Variants in PTPRG observed in about 807,000 individuals in gnomAD.
The protein encoded by PTPRG is receptor-type tyrosine-protein phosphatase gamma.
In PTPRG, 102 loss-of-function variants were observed where a neutral mutation model predicts 165.3. The observed-to-expected ratio is 0.62, with a 90% CI of 0.53 to 0.73. The LOEUF is 0.73. Among genes scored for constraint, PTPRG ranks in the 30% least tolerant of loss-of-function variants. PTPRG has a pLI of 0.00. For missense variants in PTPRG, 1,866 were observed against 1,861.4 expected (o/e 1.00, Z -0.05); for synonymous variants, 675 against 669.5 (o/e 1.01, Z -0.13).
chr3:61,607,471 C>CTG (rs5849436), intron 1 of PTPRG, among the ~76,000 whole-genome samples: 130,504 of 149,398 alleles, frequency 0.87, 56,384 homozygotes, highest in East Asian at 0.98. Context: ...CAGTCTGAGA[C>CTG]TGCTCAGCCA....
intron 1 of PTPRG, among the ~76,000 whole-genome samples, chr3:61,638,234 T>C (rs904294297): frequency 6.6e-6 from 1 of 152,150 alleles, no homozygotes; most frequent in Non-Finnish European, 1.5e-5. Context: ...TTTTAGTATT[T>C]AAGAGCACCC....
chr3:62,087,273 T>C (rs989581574), intron 5 of PTPRG, among the ~76,000 whole-genome samples: 11 of 152,220 alleles, frequency 7.2e-5, no homozygotes, highest in Non-Finnish European at 1.5e-4. Flanking sequence ...TGACTCTCAA[T>C]CCAGCGACTT....
At chr3:61,600,951 A>G (rs1006859161) in intron 1 of PTPRG, among the ~76,000 whole-genome samples, 3 of 152,236 alleles carry the variant, frequency 2.0e-5, no homozygotes, top group African/African-American at 7.2e-5. Flanking sequence ...TATAAAACAG[A>G]TTTTTAAAAA....
intron 2 of PTPRG, among the ~76,000 whole-genome samples, chr3:61,930,690 C>T (rs11706742): frequency 0.077 from 11,673 of 152,038 alleles, 904 homozygotes; most frequent in East Asian, 0.43. Flanking sequence ...TATGGGTGTT[C>T]CAAAATTACA....
At chr3:62,258,003 G>A (rs1305717270) in intron 16 of PTPRG, among the ~76,000 whole-genome samples, 1 of 152,012 alleles carries the variant, frequency 6.6e-6, no homozygotes, top group Non-Finnish European at 1.5e-5. Context: ...GTCCTGTAAT[G>A]AGCCAAGGTC....
intron 2 of PTPRG, among the ~76,000 whole-genome samples, chr3:61,884,315 A>G (rs949217541): frequency 6.6e-6 from 1 of 152,206 alleles, no homozygotes; most frequent in Non-Finnish European, 1.5e-5. Context: ...CACATGGTAT[A>G]CCAGCTCGGT....
At chr3:62,090,890 G>T (rs1178617637) in intron 5 of PTPRG, among the ~76,000 whole-genome samples, 1 of 152,094 alleles carries the variant, frequency 6.6e-6, no homozygotes, top group East Asian at 1.9e-4. Context: ...GCCACTTACT[G>T]GCTTGTTCCT....
intron 2 of PTPRG, among the ~76,000 whole-genome samples, chr3:61,863,246 T>G (rs1165097961): frequency 6.6e-6 from 1 of 152,198 alleles, no homozygotes; most frequent in African/African-American, 2.4e-5. Flanking sequence ...AAATCTCCTT[T>G]CTTCACTCCT....
At chr3:61,695,694 A>G (rs1265856714) in intron 1 of PTPRG, among the ~76,000 whole-genome samples, 1 of 152,186 alleles carries the variant, frequency 6.6e-6, no homozygotes, top group African/African-American at 2.4e-5. Context: ...ATTTCCGTTG[A>G]AGATATGATG....
chr3:61,630,691 G>C (rs1049249575), intron 1 of PTPRG, among the ~76,000 whole-genome samples: 7 of 152,120 alleles, frequency 4.6e-5, no homozygotes, highest in Non-Finnish European at 1.0e-4. Context: ...TTGACCACAA[G>C]GGTAGAAAGA....
At chr3:61,802,754 G>A (rs1257037285) in intron 2 of PTPRG, among the ~76,000 whole-genome samples, 1 of 152,102 alleles carries the variant, frequency 6.6e-6, no homozygotes, top group Non-Finnish European at 1.5e-5. Context: ...CTCTGCAGCA[G>A]GAGTGCTTGT....
intron 2 of PTPRG, among the ~76,000 whole-genome samples, chr3:61,872,424 TGGCTCTTA>T (rs1169434134): frequency 6.6e-6 from 1 of 152,244 alleles, no homozygotes; most frequent in Non-Finnish European, 1.5e-5. Context: ...TTCTAGTGTT[TGGCTCTTA>T]GGCTCAGTAA....
At chr3:61,902,929 C>T (rs1047473666) in intron 2 of PTPRG, among the ~76,000 whole-genome samples, 1 of 152,018 alleles carries the variant, frequency 6.6e-6, no homozygotes, top group African/African-American at 2.4e-5. Flanking sequence ...GGAGAGTCGC[C>T]CCTCAACTCA....
In PTPRG at chr3:61,959,483, G is replaced by C. The variant is rs529906616; in HGVS notation, c.191-30142G>C. ...GAATGCGCAGTTCACAATAGGGTTC[G>C]CTCTCCTATGAGAATGTAATGCTGC... On this transcript the variant is annotated intron_variant, in intron 2 of 29. Coordinates refer to ENST00000474889, the MANE Select transcript of PTPRG (RefSeq NM_002841.4). 1.2e-4 allele frequency among the ~76,000 whole-genome samples: 19 copies of C among 152,294 alleles called. No homozygotes were observed. In the East Asian group the frequency reaches 3.5e-3, roughly 28 times the overall value.
intron 4 of PTPRG, among the ~76,000 whole-genome samples, chr3:62,014,802 C>T (rs6804425): frequency 0.26 from 39,891 of 152,118 alleles, 5,585 homozygotes; most frequent in Middle Eastern, 0.37. Flanking sequence ...ACTGAAATAC[C>T]TAAGCATATA....
intron 28 of PTPRG, among the ~76,000 whole-genome samples, chr3:62,289,323 C>T (rs1443290873): frequency 6.6e-6 from 1 of 152,138 alleles, no homozygotes; most frequent in Admixed American, 6.5e-5. Flanking sequence ...TCACTAAGAA[C>T]TGAATAAAAG....
At chr3:61,892,771 G>A (rs768415116) in intron 2 of PTPRG, among the ~76,000 whole-genome samples, 11 of 151,488 alleles carry the variant, frequency 7.3e-5, no homozygotes, top group Non-Finnish European at 1.3e-4. Flanking sequence ...AGCCGAGATC[G>A]TGTCATTGCG....
At chr3:62,126,918 T>A (rs1021635247) in intron 5 of PTPRG, among the ~76,000 whole-genome samples, 12 of 152,162 alleles carry the variant, frequency 7.9e-5, no homozygotes, top group Non-Finnish European at 1.3e-4. Flanking sequence ...ATTGCAGCAG[T>A]GATAAGAGAC....
intron 1 of PTPRG, among the ~76,000 whole-genome samples, chr3:61,605,583 T>G (rs908475009): frequency 6.6e-6 from 1 of 152,180 alleles, no homozygotes; most frequent in African/African-American, 2.4e-5. Context: ...GTTTTTTTTA[T>G]TTTTAGAAAG....
Sources: gnomAD v4.1 joint callset for allele counts (sites outside exome capture counted in the v4.1 genomes callset) on GRCh38, gnomAD v4.1.1 for gene constraint, MANE v1.5 for transcripts, NCBI Gene and HGNC (gene_info 2026-07-23, HGNC 2026-07-21) for gene names.